TENM3: variants seen among roughly 807,000 people sequenced by gnomAD.
TENM3 encodes teneurin-3.
Under a neutral mutation model 255.1 loss-of-function variants are expected in TENM3, and 63 were observed. That is an observed-to-expected ratio of 0.25 (90% CI 0.20 to 0.30). The LOEUF is 0.30. TENM3 is among the 10% of genes least tolerant of loss of function. The probability of loss-of-function intolerance (pLI) is 1.00; values close to 1 mark genes in which losing one functional copy is unlikely to be tolerated. For missense variants in TENM3, 2,929 were observed against 3,461.1 expected (o/e 0.85, Z 3.86); for synonymous variants, 1,306 against 1,322.3 (o/e 0.99, Z 0.27).
At chr4:181,880,482 A>G in the TENM3 span, among the ~76,000 whole-genome samples, 31 of 152,328 alleles carry the variant, frequency 2.0e-4, no homozygotes, top group African/African-American at 7.0e-4. Context: ...TTAAAGTGTG[A>G]TTATCATTTC....
the TENM3 span, chr4:181,522,666 C>T: frequency 1.6e-6 from 1 of 617,038 alleles, no homozygotes. Context: ...AACCAAAATG[C>T]AGAATGATGT....
chr4:181,631,416 A>T, the TENM3 span, among the ~76,000 whole-genome samples: 1 of 152,020 alleles, frequency 6.6e-6, no homozygotes, highest in Non-Finnish European at 1.5e-5. Context: ...CAGCCTACTG[A>T]GTAGCTGAGA....
chr4:182,107,540 G>T, the TENM3 span, among the ~76,000 whole-genome samples: 2 of 152,172 alleles, frequency 1.3e-5, no homozygotes, highest in Non-Finnish European at 2.9e-5. Flanking sequence ...CATTGGGTTG[G>T]CCCAAGGCCA....
intron 4 of TENM3, among the ~76,000 whole-genome samples, chr4:182,601,991 A>G (rs1000884626): frequency 6.6e-5 from 10 of 152,242 alleles, no homozygotes; most frequent in African/African-American, 2.4e-4. Flanking sequence ...AGGCTGGCTG[A>G]CAAGTGGTAA....
chr4:182,056,217 C>G, the TENM3 span, among the ~76,000 whole-genome samples: 8 of 152,270 alleles, frequency 5.3e-5, no homozygotes, highest in Admixed American at 2.6e-4. Flanking sequence ...GTAAAACCGA[C>G]TGAGAGATCT....
intron 3 of TENM3, among the ~76,000 whole-genome samples, chr4:182,459,107 C>T (rs540704722): frequency 6.6e-6 from 1 of 152,238 alleles, no homozygotes; most frequent in South Asian, 2.1e-4. Flanking sequence ...ACCAATTTAA[C>T]TAGTTTGATT....
intron 3 of TENM3, among the ~76,000 whole-genome samples, chr4:182,390,787 C>T (rs935028487): frequency 2.0e-5 from 3 of 152,200 alleles, no homozygotes; most frequent in Non-Finnish European, 2.9e-5. Flanking sequence ...TATTGATCCT[C>T]TTCAAAATGG....
At chr4:182,058,385 A>G in the TENM3 span, among the ~76,000 whole-genome samples, 2 of 152,162 alleles carry the variant, frequency 1.3e-5, no homozygotes. Flanking sequence ...CAAAAGCGTT[A>G]AGAAGACACT....
At chr4:181,802,872 T>C in the TENM3 span, among the ~76,000 whole-genome samples, 1 of 152,212 alleles carries the variant, frequency 6.6e-6, no homozygotes, top group African/African-American at 2.4e-5. Context: ...CACACTAATA[T>C]CAAATAAATT....
chr4:182,383,464 T>C (rs887463076), intron 3 of TENM3, among the ~76,000 whole-genome samples: 5 of 149,282 alleles, frequency 3.3e-5, no homozygotes, highest in Non-Finnish European at 6.0e-5. Flanking sequence ...TTAAAAAACA[T>C]ATTTTTATTT....
chr4:181,461,496 T>G, the TENM3 span, among the ~76,000 whole-genome samples: 3 of 152,158 alleles, frequency 2.0e-5, no homozygotes, highest in Non-Finnish European at 4.4e-5. Flanking sequence ...TGGAACTCTA[T>G]TCCACATATG....
the TENM3 span, among the ~76,000 whole-genome samples, chr4:181,623,835 G>A: frequency 6.6e-6 from 1 of 152,156 alleles, no homozygotes; most frequent in South Asian, 2.1e-4. Context: ...TTATGTTTGA[G>A]ACACAAAATG....
intron 18 of TENM3, 84 bp downstream of exon 18, chr4:182,738,628 T>A: frequency 8.6e-7 from 1 of 1,167,524 alleles, no homozygotes; most frequent in Non-Finnish European, 1.2e-6. Flanking sequence ...CTCATGAGAT[T>A]GTAGCAACAT....
the TENM3 span, among the ~76,000 whole-genome samples, chr4:182,102,938 C>G: frequency 6.6e-6 from 1 of 152,242 alleles, no homozygotes; most frequent in Middle Eastern, 3.4e-3. Context: ...ACTGCATTAC[C>G]TTTTACACCA....
At position 182,332,817 on chromosome 4, in the gene TENM3, A is replaced by G. The variant is rs181427734; in HGVS notation, c.232+8565A>G. Among the ~76,000 whole-genome samples, 368 of 152,318 alleles carry G rather than the reference A, an allele frequency of 2.4e-3. 2 individuals carry two copies. The highest frequency in any genetic ancestry group is 6.2e-3 in the South Asian group (30 of 4,830). On this transcript the variant is annotated intron_variant, in intron 2 of 27. Transcript: ENST00000511685. Reference sequence around the variant, plus strand: ...AACTGAAATTTAAAACAGACAAAACAGCTAAGTCTTTAAAAAGGCTAGTAA... The same window carrying G: ...AACTGAAATTTAAAACAGACAAAACGGCTAAGTCTTTAAAAAGGCTAGTAA...
At chr4:182,358,133 G>A (rs1765695199) in intron 3 of TENM3, among the ~76,000 whole-genome samples, 1 of 152,034 alleles carries the variant, frequency 6.6e-6, no homozygotes, top group Non-Finnish European at 1.5e-5. Context: ...TTGTAGTAGA[G>A]TTTGAAGTCA....
the TENM3 span, among the ~76,000 whole-genome samples, chr4:182,033,515 T>C: frequency 3.3e-5 from 5 of 152,156 alleles, no homozygotes; most frequent in African/African-American, 1.2e-4. Context: ...TATTCTGTTG[T>C]TTTTCGAGGG....
chr4:182,490,681 A>G (rs1481947844), intron 3 of TENM3, among the ~76,000 whole-genome samples: 1 of 152,210 alleles, frequency 6.6e-6, no homozygotes, highest in Non-Finnish European at 1.5e-5. Context: ...TGAAAAATAC[A>G]TTTAAAGTGA....
At chr4:182,498,579 C>T (rs968441832) in intron 3 of TENM3, among the ~76,000 whole-genome samples, 1 of 152,028 alleles carries the variant, frequency 6.6e-6, no homozygotes, top group East Asian at 1.9e-4. Context: ...CTTGGCCGGG[C>T]GTGGTGTCTC....
Sources: allele counts gnomAD v4.1 joint callset (sites outside exome capture counted in the v4.1 genomes callset), GRCh38; gene constraint gnomAD v4.1.1; transcripts MANE v1.5; gene names NCBI Gene and HGNC (gene_info 2026-07-23, HGNC 2026-07-21).